Variants in CNGA1 observed in about 807,000 individuals in gnomAD.
The protein encoded by CNGA1 is cyclic nucleotide gated channel subunit alpha 1, also known as cyclic nucleotide-gated channel alpha-1.
In CNGA1, 53 loss-of-function variants were observed where a neutral mutation model predicts 69.7. The ratio of observed to expected loss-of-function variants is 0.76; its 90% CI spans 0.61 to 0.96. The LOEUF (loss-of-function observed/expected upper bound fraction) is 0.96, where lower values mean the gene tolerates loss of function less well. Ranked by LOEUF, CNGA1 falls within the 40% of genes least tolerant of loss-of-function variation. The pLI, the probability that CNGA1 is intolerant of heterozygous loss-of-function variation, is 0.00. For synonymous variants in CNGA1, 249 were observed against 283.5 expected, an observed-to-expected ratio of 0.88 and a Z score of 1.22; for missense variants, 739 against 811.2, an observed-to-expected ratio of 0.91 and a Z score of 1.08.
intron 6 of CNGA1, among the ~76,000 whole-genome samples, chr4:47,948,682 G>A (rs889331250): frequency 2.0e-5 from 3 of 152,180 alleles, no homozygotes; most frequent in African/African-American, 7.2e-5. Context: ...AGTAGGCAGT[G>A]CTGTATACAA....
chr4:48,003,206 G>A (rs1198165105), intron 2 of CNGA1, among the ~76,000 whole-genome samples: 1 of 152,158 alleles, frequency 6.6e-6, no homozygotes, highest in Non-Finnish European at 1.5e-5. Flanking sequence ...CAAAGCAAAA[G>A]CAGGAAGATT....
At chr4:47,976,229 A>G (rs1372764889) in intron 3 of CNGA1, among the ~76,000 whole-genome samples, 3 of 68,886 alleles carry the variant, frequency 4.4e-5, no homozygotes, top group Admixed American at 1.8e-4. Context: ...ACATATATAT[A>G]TACATATATA....
chr4:47,942,958 A>C (rs1739186544), intron 8 of CNGA1: 1 of 410,694 alleles, frequency 2.4e-6, no homozygotes, highest in Admixed American at 4.2e-5. Context: ...GAGAGAATTA[A>C]GAATAATGCT....
At chr4:47,973,745 C>A (rs1741172973) in intron 3 of CNGA1, among the ~76,000 whole-genome samples, 1 of 151,592 alleles carries the variant, frequency 6.6e-6, no homozygotes, top group Non-Finnish European at 1.5e-5. Context: ...AATTACATAG[C>A]TACCTCTGGA....
At position 48,016,673 on chromosome 4, in the gene CNGA1, G is replaced by GCTGGCGCTGAGGCCCCGC. The variant is rs1175935225; in HGVS notation, c.-414_-413insGCGGGGCCTCAGCGCCAG. 5.0e-6 allele frequency: 3 copies of GCTGGCGCTGAGGCCCCGC among 602,542 alleles called. No homozygotes were observed. In the East Asian group the frequency reaches 9.6e-5, roughly 19 times the overall value. The allele number at this position is 602,542 out of a possible 1,614,324, so 37.3% of individuals were successfully genotyped here. On this transcript the variant is annotated 5_prime_UTR_variant, in exon 1 of 11. Transcript: ENST00000514170. ...AACAAGCCCCGGGCAGCAGGGCTCG[G>GCTGGCGCTGAGGCCCCGC]CTGGCGCTGAGGCCCCGCCTGGCCA...
chr4:48,016,326 A>G (rs1715375030), intron 1 of CNGA1, among the ~76,000 whole-genome samples, 157 bp downstream of exon 1: 1 of 152,194 alleles, frequency 6.6e-6, no homozygotes, highest in African/African-American at 2.4e-5. Context: ...CAATCGGCGC[A>G]GAACCCCAGC....
Position 47,940,858 on chromosome 4 carries a change from T to C in CNGA1, c.557A>G (p.Asp186Gly). 1.2e-6 allele frequency: 2 copies of C among 1,605,394 alleles called. No individual in the cohort carries two copies. The highest frequency in any genetic ancestry group is 1.7e-6 in the Non-Finnish European group (2 of 1,172,662). The change falls in exon 10 of 11, where the codon GAT (aspartate) becomes GGT (glycine). Residue 186 changes from aspartate (D) to glycine (G), a missense_variant. Physicochemically the swap from Asp to Gly is moderately conservative, Grantham distance 94 (BLOSUM62 -1). Transcript: ENST00000514170. ...WTMVIARACFDELQSDYLEYW... is the reference protein window; with the variant it reads ...WTMVIARACFGELQSDYLEYW... ...TTCTAGGTAATCAGATTGAAGTTCA[T>C]CAAAACATGCTCTATAAAAAAAGAA...
intron 3 of CNGA1, among the ~76,000 whole-genome samples, chr4:47,975,614 A>G (rs990542084): frequency 1.3e-5 from 2 of 152,178 alleles, no homozygotes; most frequent in Non-Finnish European, 2.9e-5. Context: ...ATTAAGAGCA[A>G]GAATTCTGTT....
intron 3 of CNGA1, among the ~76,000 whole-genome samples, chr4:47,969,065 A>G (rs938177325): frequency 6.6e-6 from 1 of 152,172 alleles, no homozygotes; most frequent in Non-Finnish European, 1.5e-5. Flanking sequence ...TTACTTTAGG[A>G]AGACTAATAT....
intron 3 of CNGA1, among the ~76,000 whole-genome samples, chr4:47,971,344 T>G (rs923265818): frequency 6.6e-6 from 1 of 152,110 alleles, no homozygotes; most frequent in Non-Finnish European, 1.5e-5. Context: ...TTTTATACAT[T>G]TTGAATGTTG....
chr4:47,980,544 G>A (rs574200928), intron 3 of CNGA1, among the ~76,000 whole-genome samples: 3 of 144,826 alleles, frequency 2.1e-5, no homozygotes, highest in African/African-American at 7.8e-5. Flanking sequence ...GTGTGATCTC[G>A]GCTCACTGCA....
intron 6 of CNGA1, among the ~76,000 whole-genome samples, chr4:47,946,759 A>G (rs1739419551): frequency 1.5e-5 from 2 of 132,506 alleles, no homozygotes; most frequent in South Asian, 5.3e-4. Context: ...GTGGCTCAGT[A>G]CCCTTCGTCT....
intron 3 of CNGA1, chr4:47,970,975 G>T: frequency 2.2e-6 from 1 of 453,742 alleles, no homozygotes; most frequent in Non-Finnish European, 4.4e-6. Flanking sequence ...GGCCAACATG[G>T]TGAAATCCCA....
At chr4:48,006,060 T>C (rs998311162) in intron 2 of CNGA1, among the ~76,000 whole-genome samples, 2 of 152,212 alleles carry the variant, frequency 1.3e-5, no homozygotes, top group Non-Finnish European at 2.9e-5. Flanking sequence ...AGCACCATTT[T>C]AGGCAAAAAG....
rs1032985615 is a variant in CNGA1, at chr4:47,940,971, A to G, written c.546-102T>C. 1.0e-5 allele frequency: 8 copies of G among 763,730 alleles called. No homozygotes were observed. The African/African-American group carries it at 1.2e-4, about 12-fold the overall frequency. 47.3% of individuals were successfully genotyped at this position (763,730 alleles called of 1,614,324 possible). On this transcript the variant is annotated intron_variant, in intron 9 of 10. Coordinates refer to ENST00000514170, the MANE Select transcript of CNGA1 (RefSeq NM_001379270.1). The stretch of plus-strand genomic sequence containing the variant: ...TCTTTATCATGATGAGAAGCACAGC[A>G]CACTCAGGCTAGGAGAGGTCCTTAG...
rs138606647 is a variant in CNGA1 at position 47,984,968 on chromosome 4, C to T, written c.-122-3468G>A. On this transcript the variant is annotated intron_variant, in intron 2 of 10. Coordinates refer to ENST00000514170, the MANE Select transcript of CNGA1 (RefSeq NM_001379270.1). ...TTATCCACTTTGGGGGAGTTTTCTA[C>T]GATATCACACTGAGCTTAAATATAT... is the stretch of plus-strand genomic sequence containing the variant. Among the ~76,000 whole-genome samples the T allele has an allele frequency of 2.4e-3, 366 of 152,176 alleles. 2 individuals are homozygous for T. Among genetic ancestry groups the T allele is most frequent in the African/African-American group, 8.2e-3 (339 of 41,530 alleles).
In CNGA1 at chr4:47,936,384, A is replaced by G; in HGVS notation, c.*37T>C. 6.2e-7 allele frequency: 1 copy of G among 1,600,832 alleles called. No individual in the cohort carries two copies. Among genetic ancestry groups the G allele is most frequent in the Non-Finnish European group, 8.6e-7 (1 of 1,167,948 alleles). Reference sequence around the variant, plus strand: ...TGTCAGTCATAGGATCAAAAGGATCATGAGGCATGTCCCTGTTAATGACCA... The same window carrying G: ...TGTCAGTCATAGGATCAAAAGGATCGTGAGGCATGTCCCTGTTAATGACCA... On this transcript the variant is annotated 3_prime_UTR_variant, in exon 11 of 11. Coordinates refer to ENST00000514170, the MANE Select transcript of CNGA1 (RefSeq NM_001379270.1).
chr4:48,014,542 G>A (rs760243639), intron 1 of CNGA1, among the ~76,000 whole-genome samples: 1 of 152,068 alleles, frequency 6.6e-6, no homozygotes, highest in African/African-American at 2.4e-5. Flanking sequence ...TTACCAAATG[G>A]GTTAAGAGCA....
chr4:47,998,323 T>A (rs924191847), intron 2 of CNGA1, among the ~76,000 whole-genome samples: 15 of 152,216 alleles, frequency 9.9e-5, no homozygotes, highest in African/African-American at 3.4e-4. Context: ...TGTGGAATGC[T>A]AATCTGGACA....
Sources: gnomAD v4.1 joint callset for allele counts (sites outside exome capture counted in the v4.1 genomes callset) on GRCh38, gnomAD v4.1.1 for gene constraint, MANE v1.5 for transcripts, NCBI Gene and HGNC (gene_info 2026-07-23, HGNC 2026-07-21) for gene names.